The following CHN1 variants were observed in gnomAD, a reference collection of about 807,000 sequenced individuals.
The protein encoded by CHN1 is chimerin 1.
Under a neutral mutation model 59.5 loss-of-function variants are expected in CHN1, and 37 were observed. That is an observed-to-expected ratio of 0.62 (90% confidence interval 0.48 to 0.82). The LOEUF is 0.82. Among genes scored for constraint, CHN1 ranks in the 40% least tolerant of loss-of-function variants. CHN1 has a pLI of 0.00. For missense variants in CHN1, 469 were observed against 571.0 expected (o/e 0.82, Z 1.82); for synonymous variants, 206 against 200.4 (o/e 1.03, Z -0.24).
chr2:174,808,697 A>G (rs1450893004), intron 11 of CHN1, among the ~76,000 whole-genome samples: 3 of 152,250 alleles, frequency 2.0e-5, no homozygotes. Flanking sequence ...AATGAGGTTT[A>G]GCACATTACA....
chr2:174,950,980 T>G (rs1440990272), intron 2 of CHN1, among the ~76,000 whole-genome samples: 1 of 151,998 alleles, frequency 6.6e-6, no homozygotes, highest in Non-Finnish European at 1.5e-5. Flanking sequence ...GGTTTCACCA[T>G]GTTGGCCAGG....
chr2:174,991,595 T>C (rs1263752943), intron 1 of CHN1, among the ~76,000 whole-genome samples: 2 of 152,222 alleles, frequency 1.3e-5, no homozygotes, highest in Admixed American at 6.5e-5. Flanking sequence ...GTAAGTGATA[T>C]ACCTGCCCTT....
At chr2:174,977,492 A>T (rs138804483) in intron 1 of CHN1, among the ~76,000 whole-genome samples, 1 of 152,364 alleles carries the variant, frequency 6.6e-6, no homozygotes, top group African/African-American at 2.4e-5. Context: ...TTTAACAGAC[A>T]ACAAAGACAG....
chr2:174,977,086 A>AGT (rs1331677268), intron 1 of CHN1, among the ~76,000 whole-genome samples: 1 of 152,184 alleles, frequency 6.6e-6, no homozygotes, highest in Non-Finnish European at 1.5e-5. Flanking sequence ...CACCTTAGAC[A>AGT]ACTAGGTTGG....
intron 8 of CHN1, among the ~76,000 whole-genome samples, chr2:174,819,989 T>C (rs560912409): frequency 5.3e-5 from 8 of 152,076 alleles, no homozygotes; most frequent in Admixed American, 4.6e-4. Flanking sequence ...ACAAAGGACA[T>C]GAACTCATTA....
intron 8 of CHN1, among the ~76,000 whole-genome samples, chr2:174,818,210 T>C (rs771278803): frequency 7.9e-5 from 12 of 152,354 alleles, no homozygotes; most frequent in Non-Finnish European, 1.6e-4. Context: ...TTCTCTCTTT[T>C]ATTTAAATAA....
intron 1 of CHN1, among the ~76,000 whole-genome samples, chr2:174,999,447 CAAGG>C (rs1293105567): frequency 6.6e-6 from 1 of 152,186 alleles, no homozygotes. Flanking sequence ...CCAGCCCCAG[CAAGG>C]TACTCTTTGT....
chr2:174,980,440 A>C (rs984487777), intron 1 of CHN1, among the ~76,000 whole-genome samples: 1 of 152,208 alleles, frequency 6.6e-6, no homozygotes, highest in East Asian at 1.9e-4. Flanking sequence ...AAAAATACCC[A>C]GAGTCCTGTT....
At chr2:174,957,037 T>C (rs1690230550) in intron 1 of CHN1, among the ~76,000 whole-genome samples, 1 of 152,152 alleles carries the variant, frequency 6.6e-6, no homozygotes, top group African/African-American at 2.4e-5. Context: ...TAAAGACACC[T>C]TATTTCGTAT....
intron 3 of CHN1, among the ~76,000 whole-genome samples, chr2:174,923,468 G>A (rs911845427): frequency 9.9e-5 from 15 of 152,196 alleles, no homozygotes; most frequent in Non-Finnish European, 2.1e-4. Flanking sequence ...TAGCTTTTGT[G>A]TAACCTAATA....
rs573061095 is a variant in CHN1, at chr2:174,987,521, C to A, written c.19+17373G>T. On this transcript the variant is annotated intron_variant, in intron 1 of 12. Transcript: ENST00000409900. ...CTCCCAGGTTCAAGTGATTCTCCTG[C>A]CTCAGCCTCCCGAGTAGCTGGGATA... Among the ~76,000 whole-genome samples, 37 of 152,074 alleles carry A rather than the reference C, an allele frequency of 2.4e-4. No individual in the cohort carries two copies. The East Asian group carries it at 5.6e-3, about 23-fold the overall frequency.
At chr2:174,843,833 TAAGC>T (rs1686400649) in intron 7 of CHN1, among the ~76,000 whole-genome samples, 2 of 152,152 alleles carry the variant, frequency 1.3e-5, no homozygotes, top group Non-Finnish European at 2.9e-5. Context: ...GTGCATATAA[TAAGC>T]AAGCTCCTGA....
chr2:174,885,248 T>C (rs1041890834), intron 5 of CHN1, among the ~76,000 whole-genome samples: 3 of 150,942 alleles, frequency 2.0e-5, no homozygotes, highest in African/African-American at 7.3e-5. Flanking sequence ...GCACTCCAGC[T>C]TGGGCGACAG....
intron 1 of CHN1, among the ~76,000 whole-genome samples, chr2:174,962,508 C>T (rs181632522): frequency 2.0e-5 from 3 of 152,190 alleles, no homozygotes; most frequent in Non-Finnish European, 2.9e-5. Flanking sequence ...TCCGCCCAGA[C>T]CCAGCTTATG....
At chr2:174,976,082 C>T (rs1322544736) in intron 1 of CHN1, among the ~76,000 whole-genome samples, 13 of 125,498 alleles carry the variant, frequency 1.0e-4, no homozygotes, top group African/African-American at 3.6e-4. Flanking sequence ...GCAGAGATCG[C>T]GCCACTGCTC....
rs1691997071 is a variant in CHN1 at position 175,004,544 on chromosome 2, GATTT to G, written c.19+346_19+349del. Among the ~76,000 whole-genome samples the G allele has an allele frequency of 2.0e-5, 3 of 152,148 alleles. No individual in the cohort carries two copies. The South Asian group carries it at 6.2e-4, about 32-fold the overall frequency. ...GTTCAAAATAAATAAACTTTCCAAGGATTTATTTACCGACGGGAAAGGCAGGTTT... is the reference window on the plus strand; with the variant it reads ...GTTCAAAATAAATAAACTTTCCAAGGATTTACCGACGGGAAAGGCAGGTTT... On this transcript the variant is annotated intron_variant, in intron 1 of 12. Coordinates refer to ENST00000409900, the MANE Select transcript of CHN1 (RefSeq NM_001822.7).
intron 7 of CHN1, among the ~76,000 whole-genome samples, chr2:174,835,534 C>A (rs1291532425): frequency 6.6e-6 from 1 of 151,020 alleles, no homozygotes; most frequent in Non-Finnish European, 1.5e-5. Flanking sequence ...TATGTTAAGA[C>A]TGCTTGCTAT....
rs58016502 is a variant in CHN1, at chr2:174,891,140, CAA to C, written c.261-13014_261-13013del. Among the ~76,000 whole-genome samples the C allele has an allele frequency of 2.6e-3, 64 of 24,394 alleles. No individual in the cohort carries two copies. In the South Asian group the frequency reaches 0.042, roughly 16 times the overall value. 16.0% of individuals were successfully genotyped at this position (24,394 alleles called of 152,430 possible). ...TGGGCGACAGAGCAAGACTCCATCT[CAA>C]AAAAAAAAAAAAAAAAAAAAAAAGA... On this transcript the variant is annotated intron_variant, in intron 5 of 12. Coordinates refer to ENST00000409900, the MANE Select transcript of CHN1 (RefSeq NM_001822.7).
chr2:174,840,166 T>C (rs1266471621), intron 7 of CHN1, among the ~76,000 whole-genome samples: 3 of 132,720 alleles, frequency 2.3e-5, no homozygotes, highest in South Asian at 5.3e-4. Context: ...CCATTCTTTT[T>C]TTTTTTTTTT....
Sources: gnomAD v4.1 joint callset for allele counts (sites outside exome capture counted in the v4.1 genomes callset) on GRCh38, gnomAD v4.1.1 for gene constraint, MANE v1.5 for transcripts, NCBI Gene and HGNC (gene_info 2026-07-23, HGNC 2026-07-21) for gene names.